The following KCNMB2 variants were observed in gnomAD, a reference collection of about 807,000 sequenced individuals.
KCNMB2 encodes the protein calcium-activated potassium channel subunit beta-2.
In KCNMB2, 9 loss-of-function variants were observed where a neutral mutation model predicts 24.5. That is an observed-to-expected ratio of 0.37 (90% CI 0.22 to 0.64). The LOEUF (loss-of-function observed/expected upper bound fraction) is 0.64, where lower values mean the gene tolerates loss of function less well. Ranked by LOEUF, KCNMB2 falls within the 30% of genes least tolerant of loss-of-function variation. The probability of loss-of-function intolerance (pLI) is 0.63; values close to 1 mark genes in which losing one functional copy is unlikely to be tolerated. For synonymous variants in KCNMB2, 109 were observed against 104.4 expected, an observed-to-expected ratio of 1.04 and a Z score of -0.27; for missense variants, 226 against 284.3, an observed-to-expected ratio of 0.79 and a Z score of 1.47.
chr3:178,595,401 GC>G (rs1273171284), intron 1 of KCNMB2, among the ~76,000 whole-genome samples: 1 of 152,046 alleles, frequency 6.6e-6, no homozygotes, highest in African/African-American at 2.4e-5. Flanking sequence ...TTTCTGAAAA[GC>G]CCGAGGTCCT....
chr3:178,586,773 G>C (rs1717455380), intron 1 of KCNMB2, among the ~76,000 whole-genome samples: 1 of 151,976 alleles, frequency 6.6e-6, no homozygotes, highest in Non-Finnish European at 1.5e-5. Flanking sequence ...TCGAACTCCT[G>C]ACCTCGGGTG....
intron 2 of KCNMB2, among the ~76,000 whole-genome samples, chr3:178,813,472 T>G (rs1446571291): frequency 6.6e-6 from 1 of 152,200 alleles, no homozygotes; most frequent in Non-Finnish European, 1.5e-5. Flanking sequence ...TTACTGATTT[T>G]TTTCTATCAA....
At chr3:178,615,759 C>T (rs899156235) in intron 1 of KCNMB2, among the ~76,000 whole-genome samples, 1 of 152,222 alleles carries the variant, frequency 6.6e-6, no homozygotes, top group Non-Finnish European at 1.5e-5. Flanking sequence ...CCACTTGATG[C>T]TCTGCCTCAC....
chr3:178,675,109 G>A (rs1404369345), intron 1 of KCNMB2, among the ~76,000 whole-genome samples: 1 of 152,174 alleles, frequency 6.6e-6, no homozygotes, highest in Non-Finnish European at 1.5e-5. Flanking sequence ...TAGGGATTCA[G>A]TAAATGTCTG....
intron 1 of KCNMB2, among the ~76,000 whole-genome samples, chr3:178,699,192 A>G (rs1378324589): frequency 6.6e-6 from 1 of 152,232 alleles, no homozygotes; most frequent in Non-Finnish European, 1.5e-5. Context: ...TGCCTTCTCC[A>G]TGCCCTGCAA....
rs1716385684 is a variant in KCNMB2, at chr3:178,563,186, AG to A, written c.-68+26477del. 3.3e-5 allele frequency among the ~76,000 whole-genome samples: 5 copies of A among 152,334 alleles called. No individual in the cohort carries two copies. The South Asian group carries it at 1.0e-3, about 32-fold the overall frequency. On this transcript the variant is annotated intron_variant, in intron 1 of 4. Transcript: ENST00000452583. ...GTATTTGAAGGTTGCTATACAGATG[AG>A]GTATTACAGATATTTTAGCTTCTCT...
At chr3:178,673,410 T>C (rs914789359) in intron 1 of KCNMB2, among the ~76,000 whole-genome samples, 2 of 152,114 alleles carry the variant, frequency 1.3e-5, no homozygotes, top group African/African-American at 2.4e-5. Context: ...TCTATTCCCA[T>C]ATCTTCACTC....
intron 1 of KCNMB2, among the ~76,000 whole-genome samples, chr3:178,768,151 C>G (rs375973945): frequency 1.3e-5 from 2 of 152,112 alleles, no homozygotes; most frequent in African/African-American, 4.8e-5. Flanking sequence ...TAGGTACTTG[C>G]TGTGCTCCTG....
chr3:178,793,206 C>T (rs1398678111), intron 1 of KCNMB2, among the ~76,000 whole-genome samples: 4 of 152,178 alleles, frequency 2.6e-5, no homozygotes, highest in Non-Finnish European at 5.9e-5. Flanking sequence ...TGGCCCTACT[C>T]TGGGACACAC....
intron 1 of KCNMB2, among the ~76,000 whole-genome samples, chr3:178,609,403 TG>T (rs1435148684): frequency 6.7e-6 from 1 of 148,832 alleles, no homozygotes; most frequent in African/African-American, 2.5e-5. Context: ...TTGTCTGAGG[TG>T]TTTTTTTTTC....
intron 1 of KCNMB2, among the ~76,000 whole-genome samples, chr3:178,776,724 C>T (rs1244287593): frequency 2.6e-5 from 4 of 152,154 alleles, no homozygotes; most frequent in African/African-American, 7.2e-5. Flanking sequence ...TCACAGAATA[C>T]ATAAATAAAA....
intron 1 of KCNMB2, among the ~76,000 whole-genome samples, chr3:178,750,386 AAAAAAC>A (rs1166873428): frequency 1.3e-4 from 20 of 152,322 alleles, no homozygotes; most frequent in East Asian, 1.2e-3. Flanking sequence ...CTTCTACAAA[AAAAAAC>A]AAAAACAAAA....
chr3:178,821,569 G>A (rs190308317), intron 2 of KCNMB2, among the ~76,000 whole-genome samples: 16 of 152,214 alleles, frequency 1.1e-4, no homozygotes, highest in African/African-American at 3.9e-4. Context: ...ATTGAGATTA[G>A]TCACTCCTCT....
rs186480293 is a variant in KCNMB2 at position 178,543,620 on chromosome 3, A to C, written c.-68+6909A>C. ...CAAATCCTGATCTACTACATAGGTT[A>C]AACTTTCCTTTTCTTTGGTCAATTC... On this transcript the variant is annotated intron_variant, in intron 1 of 4. Transcript: ENST00000452583. Among the ~76,000 whole-genome samples the C allele has an allele frequency of 2.0e-5, 3 of 152,360 alleles. No individual in the cohort carries two copies. In the East Asian group the frequency reaches 5.8e-4, roughly 29 times the overall value.
chr3:178,701,174 C>T (rs56107562), intron 1 of KCNMB2, among the ~76,000 whole-genome samples: 50,127 of 152,018 alleles, frequency 0.33, 9,010 homozygotes, highest in African/African-American at 0.48. Context: ...TTTCTACATA[C>T]GGCTAGCCAC....
chr3:178,827,476 A>T (rs1012412979), intron 3 of KCNMB2, among the ~76,000 whole-genome samples: 5 of 152,180 alleles, frequency 3.3e-5, no homozygotes, highest in African/African-American at 1.2e-4. Context: ...TTCTCAGTTC[A>T]CTCACTTTTA....
At chr3:178,795,002 G>T (rs2108443185) in intron 1 of KCNMB2, 1 of 152,358 alleles carries the variant, frequency 6.6e-6, no homozygotes, top group East Asian at 1.9e-4. Flanking sequence ...CACTGTGGGG[G>T]ATGGAGGGGA....
chr3:178,716,539 G>T (rs764708582), intron 1 of KCNMB2, among the ~76,000 whole-genome samples: 58 of 151,556 alleles, frequency 3.8e-4, no homozygotes, highest in Non-Finnish European at 7.2e-4. Context: ...CACCTCCGAG[G>T]TTCAAGCGAT....
intron 1 of KCNMB2, among the ~76,000 whole-genome samples, chr3:178,716,795 T>C (rs2108354443): frequency 6.6e-6 from 1 of 152,246 alleles, no homozygotes; most frequent in Admixed American, 6.5e-5. Flanking sequence ...TCCACATATA[T>C]GCATATTAGT....
Sources: allele counts gnomAD v4.1 joint callset (sites outside exome capture counted in the v4.1 genomes callset), GRCh38; gene constraint gnomAD v4.1.1; transcripts MANE v1.5; gene names NCBI Gene and HGNC (gene_info 2026-07-23, HGNC 2026-07-21).